CPAMD8: variants seen among roughly 807,000 people sequenced by gnomAD.
CPAMD8 encodes C3 and PZP like alpha-2-macroglobulin domain containing 8.
CPAMD8 carries 146 observed loss-of-function variants against 224.7 expected under a neutral mutation model. The ratio of observed to expected loss-of-function variants is 0.65; its 90% CI spans 0.57 to 0.75. The LOEUF is 0.75. Among genes scored for constraint, CPAMD8 ranks in the 30% least tolerant of loss-of-function variants. CPAMD8 has a pLI of 0.00. For synonymous variants in CPAMD8, 966 were observed against 1,044.6 expected (o/e 0.92, Z 1.45); for missense variants, 2,301 against 2,537.5 (o/e 0.91, Z 2.00).
Position 16,971,908 on chromosome 19 carries a change from A to C in CPAMD8, c.2071-875T>G, listed in dbSNP as rs1016757665. 1.3e-5 allele frequency among the ~76,000 whole-genome samples: 2 copies of C among 152,146 alleles called. 1 individual carries two copies. Among genetic ancestry groups the C allele is most frequent in the South Asian group, 4.2e-4 (2 of 4,814 alleles). On this transcript the variant is annotated intron_variant, in intron 17 of 41. Coordinates refer to ENST00000443236, the MANE Select transcript of CPAMD8 (RefSeq NM_015692.5). ...CTAAAAATACAAGAATTAGCCAGGCATGGTGGTGGGCACCTGTAATCCCAG... is the reference window on the plus strand; with the variant it reads ...CTAAAAATACAAGAATTAGCCAGGCCTGGTGGTGGGCACCTGTAATCCCAG...
intron 14 of CPAMD8, among the ~76,000 whole-genome samples, chr19:16,979,440 A>ATCTT (rs1188991732): frequency 6.9e-6 from 1 of 145,366 alleles, no homozygotes; most frequent in Admixed American, 6.8e-5. Flanking sequence ...CCATCCATCC[A>ATCTT]TCTATCAATC....
In CPAMD8 at chr19:16,914,490, G is replaced by C. The variant is rs1351001518; in HGVS notation, c.3795C>G (p.Ile1265Met). ...AGGCTGTCAGCGGGACAGTGCCGTG[G>C]ATCCCACCCTGCAAGGGGACTCACA... ...RVLNKDIQGG[I>M]HGTVPLTAYV... Residue 1265 changes from isoleucine to methionine, a missense_variant, in exon 29 of 42, where the codon ATC (isoleucine) becomes ATG (methionine). Around this residue, in one of 4 missense-constraint regions of CPAMD8, gnomAD observed 1,709 missense variants for 1,753.2 expected, o/e 0.97. Transcript: ENST00000443236. The C allele has an allele frequency of 8.1e-6, 13 of 1,614,094 alleles. No homozygotes were observed. Among genetic ancestry groups the C allele is most frequent in the Non-Finnish European group, 9.3e-6 (11 of 1,179,976 alleles).
rs1161942032 is a variant in CPAMD8, at chr19:16,975,264, G to A, written c.1909-6C>T. 1.3e-6 allele frequency: 2 copies of A among 1,596,266 alleles called. No homozygotes were observed. Among genetic ancestry groups the A allele is most frequent in the South Asian group, 1.1e-5 (1 of 88,568 alleles). On this transcript the variant is annotated splice_region_variant and splice_polypyrimidine_tract_variant and intron_variant, in intron 16 of 41. Coordinates refer to ENST00000443236, the MANE Select transcript of CPAMD8 (RefSeq NM_015692.5). ...TCTTCCAGTTCCTGGAAAACCTGCA[G>A]GCAAAGGGGGACAGAGACTTGTCAG...
chr19:16,903,191 G>A (rs772294996), intron 34 of CPAMD8, among the ~76,000 whole-genome samples: 2 of 152,088 alleles, frequency 1.3e-5, no homozygotes, highest in East Asian at 2.0e-4. Flanking sequence ...GAGTCATCGC[G>A]GGAAACTTGC....
Position 16,928,953 on chromosome 19 carries a change from C to A in CPAMD8, c.3133G>T (p.Gly1045Cys). The A allele has an allele frequency of 6.2e-7, 1 of 1,604,842 alleles. No homozygotes were observed. Among genetic ancestry groups the A allele is most frequent in the South Asian group, 1.1e-5 (1 of 89,488 alleles). ...FRTFWISWRG[G>C]LIQVGHGPEP... ...GTTCTGCTGTATACCTGGATAAGGCCACCACGCCAGCTGATCCAGAATGTT... is the reference window on the plus strand; with the variant it reads ...GTTCTGCTGTATACCTGGATAAGGCAACCACGCCAGCTGATCCAGAATGTT... Residue 1045 changes from glycine to cysteine, a missense_variant, in exon 24 of 42, where the codon GGC becomes TGC. By Grantham distance (159) the Gly-to-Cys change is radical. Coordinates refer to ENST00000443236, the MANE Select transcript of CPAMD8 (RefSeq NM_015692.5).
At chr19:16,950,150 T>C (rs2122334364) in intron 20 of CPAMD8, among the ~76,000 whole-genome samples, 1 of 151,656 alleles carries the variant, frequency 6.6e-6, no homozygotes, top group South Asian at 2.1e-4. Context: ...ATACAAAAAT[T>C]AGCTAGGCGT....
rs146003099 is a variant in CPAMD8, at chr19:16,986,281, G to A, written c.1395+3362C>T. Reference sequence around the variant, plus strand: ...CCCTCCATGCCCTGAGGTTGTGCCCGGGCCCCTCATGGCAGTTTGGTGGGT... The same window carrying A: ...CCCTCCATGCCCTGAGGTTGTGCCCAGGCCCCTCATGGCAGTTTGGTGGGT... On this transcript the variant is annotated intron_variant, in intron 13 of 41. Transcript: ENST00000443236. Among the ~76,000 whole-genome samples, 971 of 152,150 alleles carry A rather than the reference G, an allele frequency of 6.4e-3. 5 individuals are homozygous for A. The highest frequency in any genetic ancestry group is 0.022 in the African/African-American group (922 of 41,516).
intron 19 of CPAMD8, among the ~76,000 whole-genome samples, chr19:16,954,994 G>C (rs2054420920): frequency 6.6e-6 from 1 of 152,344 alleles, no homozygotes; most frequent in East Asian, 1.9e-4. Context: ...AGGGCATGGT[G>C]GTGGGCGGCT....
chr19:16,946,598 CGT>C (rs776615011), intron 21 of CPAMD8, among the ~76,000 whole-genome samples: 34 of 115,098 alleles, frequency 3.0e-4, no homozygotes, highest in Non-Finnish European at 5.7e-4. Flanking sequence ...TACACGTGGG[CGT>C]GTGTGTGTGG....
intron 20 of CPAMD8, among the ~76,000 whole-genome samples, 178 bp downstream of exon 20, chr19:16,951,791 C>G (rs1034457244): frequency 1.3e-5 from 2 of 152,134 alleles, no homozygotes; most frequent in African/African-American, 4.8e-5. Context: ...ATGACGCATC[C>G]TCCCCAAAGC....
chr19:17,017,956 C>T (rs1236766386), intron 3 of CPAMD8, among the ~76,000 whole-genome samples: 1 of 151,792 alleles, frequency 6.6e-6, no homozygotes. Flanking sequence ...TCACTTGAAC[C>T]CAGGAAGCGG....
chr19:16,987,179 A>ATATATAT (rs1169938247), intron 13 of CPAMD8, among the ~76,000 whole-genome samples: 2 of 53,920 alleles, frequency 3.7e-5, no homozygotes, highest in African/African-American at 1.0e-4. Flanking sequence ...AAAAAAAAAA[A>ATATATAT]ATATATATAT....
Position 16,986,566 on chromosome 19 carries a change from C to A in CPAMD8, c.1395+3077G>T, listed in dbSNP as rs143373490. 6.3e-3 allele frequency among the ~76,000 whole-genome samples: 966 copies of A among 152,238 alleles called. 5 individuals carry two copies. The highest frequency in any genetic ancestry group is 0.022 in the African/African-American group (918 of 41,526). ...CCTGTCTGACTTCTCATTCTTACAA[C>A]CTCTGCAAAGGGCTGTTAATCCCAG... On this transcript the variant is annotated intron_variant, in intron 13 of 41. Transcript: ENST00000443236.
rs62125985 is a variant in CPAMD8, at chr19:16,997,212, C to T, written c.994G>A (p.Ala332Thr). 0.072 allele frequency: 112,599 copies of T among 1,570,120 alleles called. 4,825 individuals are homozygous for T. The highest frequency in any genetic ancestry group is 0.082 in the Middle Eastern group (487 of 5,960). ...VTSVDGSQQV[A>T]FDDSTPVQRQ... ...TGCACGGGGGTGGAGTCATCGAACGCGACCTGCTGGCTCCCGTCCACACTG... is the reference window on the plus strand; with the variant it reads ...TGCACGGGGGTGGAGTCATCGAACGTGACCTGCTGGCTCCCGTCCACACTG... The change falls in exon 11 of 42, where the codon GCG becomes ACG. Residue 332 changes from alanine to threonine, a missense_variant. Ala to Thr is a moderately conservative substitution (Grantham distance 58). Transcript: ENST00000443236.
At chr19:16,952,518 A>C (rs531308937) in intron 19 of CPAMD8, among the ~76,000 whole-genome samples, 2 of 152,242 alleles carry the variant, frequency 1.3e-5, no homozygotes, top group East Asian at 3.9e-4. Flanking sequence ...TGCTACAAAA[A>C]ATTTAAAAAT....
intron 9 of CPAMD8, among the ~76,000 whole-genome samples, chr19:17,001,820 G>A (rs905609092): frequency 1.3e-5 from 2 of 151,348 alleles, no homozygotes; most frequent in African/African-American, 4.9e-5. Context: ...CCCAGGGGGA[G>A]GAAGATGCTC....
chr19:16,895,860 C>T (rs1266163699), intron 41 of CPAMD8: 3 of 523,864 alleles, frequency 5.7e-6, no homozygotes, highest in African/African-American at 1.9e-5. Flanking sequence ...CCCAGCATTT[C>T]GGATAAGGGA....
At chr19:16,928,903 G>C (rs375460103) in intron 24 of CPAMD8, 39 bp downstream of exon 24, 14 of 1,516,246 alleles carry the variant, frequency 9.2e-6, no homozygotes, top group Non-Finnish European at 1.2e-5. Context: ...GGAGGAACAT[G>C]AGGCTTCTGC....
chr19:16,954,495 CAT>C (rs748570039), intron 19 of CPAMD8, among the ~76,000 whole-genome samples: 2 of 152,092 alleles, frequency 1.3e-5, no homozygotes, highest in Admixed American at 6.6e-5. Flanking sequence ...AAAATTACCA[CAT>C]GATTCAGCAA....
Sources: gnomAD v4.1 joint callset for allele counts (sites outside exome capture counted in the v4.1 genomes callset) on GRCh38, gnomAD v4.1.1 for gene constraint, gnomAD v4.1.1 regional missense constraint, MANE v1.5 for transcripts, NCBI Gene and HGNC (gene_info 2026-07-23, HGNC 2026-07-21) for gene names.